CAPS2: variants seen among roughly 807,000 people sequenced by gnomAD.
The protein encoded by CAPS2 is calcyphosin-2.
A neutral mutation model predicts 86.5 loss-of-function variants in CAPS2; 98 were observed. The ratio of observed to expected loss-of-function variants is 1.13; its 90% confidence interval spans 0.96 to 1.34. CAPS2 has a LOEUF of 1.34. Among genes scored for constraint, CAPS2 ranks in the 40% most tolerant of loss-of-function variants. CAPS2 has a pLI of 0.00. For synonymous variants in CAPS2, 210 were observed against 225.1 expected, an observed-to-expected ratio of 0.93 and a Z score of 0.60; for missense variants, 729 against 686.8, an observed-to-expected ratio of 1.06 and a Z score of -0.69.
chr12:75,300,255 C>T (rs1049850745), intron 8 of CAPS2, among the ~76,000 whole-genome samples: 13 of 152,106 alleles, frequency 8.5e-5, no homozygotes, highest in African/African-American at 3.1e-4. Context: ...TTCCCTCACA[C>T]CATAGAATTT....
intron 1 of CAPS2, among the ~76,000 whole-genome samples, chr12:75,379,612 C>G (rs112723890): frequency 2.6e-5 from 4 of 152,228 alleles, no homozygotes; most frequent in African/African-American, 9.6e-5. Context: ...ATAGTTAACT[C>G]AAGATTTAAG....
intron 1 of CAPS2, among the ~76,000 whole-genome samples, chr12:75,361,779 C>A (rs536142115): frequency 1.3e-5 from 2 of 152,240 alleles, no homozygotes; most frequent in African/African-American, 4.8e-5. Flanking sequence ...GGAAACCACC[C>A]CCATAATCCA....
intron 1 of CAPS2, chr12:75,347,575 A>C: frequency 8.3e-7 from 1 of 1,210,768 alleles, no homozygotes. Flanking sequence ...CATTGTTTGC[A>C]TAGAATTGTT....
chr12:75,306,292 A>G, intron 7 of CAPS2: 1 of 598,224 alleles, frequency 1.7e-6, no homozygotes, highest in Non-Finnish European at 3.0e-6. Context: ...GAAGCTATGG[A>G]GGAGGCCAGA....
At chr12:75,360,858 C>T (rs1444538003) in intron 1 of CAPS2, 1 of 152,210 alleles carries the variant, frequency 6.6e-6, no homozygotes, top group East Asian at 1.9e-4. Flanking sequence ...GATATCCAGG[C>T]ATTTCCATAT....
At chr12:75,278,949 T>C (rs781401107) in exon 17 of CAPS2, 2 of 1,609,210 alleles carry the variant, frequency 1.2e-6, no homozygotes, top group African/African-American at 1.3e-5. Flanking sequence ...ACTATTCCTA[T>C]ACTTAAACCT....
At chr12:75,278,647 TA>T (rs2137952888) in exon 17 of CAPS2, 3 of 1,174,504 alleles carry the variant, frequency 2.6e-6, no homozygotes, top group South Asian at 8.5e-5. Flanking sequence ...TTTACAAATG[TA>T]AGGACATGTG....
chr12:75,291,018 G>A (rs536826549), intron 13 of CAPS2, among the ~76,000 whole-genome samples: 1 of 152,030 alleles, frequency 6.6e-6, no homozygotes, highest in South Asian at 2.1e-4. Flanking sequence ...AGATCCAACA[G>A]AGTAACTGTC....
At chr12:75,287,225 ATCTCTCTC>A (rs748050998) in intron 14 of CAPS2, among the ~76,000 whole-genome samples, 1 of 147,738 alleles carries the variant, frequency 6.8e-6, no homozygotes, top group Non-Finnish European at 1.5e-5. Context: ...AGAAAATGGA[ATCTCTCTC>A]TCTCTCTCTC....
intron 8 of CAPS2, among the ~76,000 whole-genome samples, chr12:75,303,150 T>C (rs2038021032): frequency 6.6e-6 from 1 of 152,198 alleles, no homozygotes; most frequent in Admixed American, 6.5e-5. Flanking sequence ...GCATGTGGTA[T>C]AATGAAATAC....
chr12:75,309,519 C>A (rs375528849), intron 7 of CAPS2, among the ~76,000 whole-genome samples: 30 of 152,142 alleles, frequency 2.0e-4, no homozygotes, highest in African/African-American at 7.2e-4. Flanking sequence ...CCTGACAATA[C>A]CCTAAGTCTG....
chr12:75,347,461 G>A (rs1288265030), intron 1 of CAPS2, among the ~76,000 whole-genome samples: 1 of 151,864 alleles, frequency 6.6e-6, no homozygotes, highest in East Asian at 1.9e-4. Context: ...GACAATATAA[G>A]AATTTTAATA....
intron 2 of CAPS2, among the ~76,000 whole-genome samples, chr12:75,324,323 G>A (rs1217367746): frequency 6.6e-6 from 1 of 152,178 alleles, no homozygotes; most frequent in African/African-American, 2.4e-5. Context: ...GAATCTACGA[G>A]AGAGAGACTA....
At chr12:75,354,101 C>T (rs1181866740) in intron 1 of CAPS2, among the ~76,000 whole-genome samples, 4 of 145,082 alleles carry the variant, frequency 2.8e-5, no homozygotes, top group African/African-American at 1.0e-4. Flanking sequence ...AATGTCCTCT[C>T]TCACCACTTC....
intron 5 of CAPS2, among the ~76,000 whole-genome samples, chr12:75,319,428 T>C (rs1040775767): frequency 1.3e-5 from 2 of 152,154 alleles, no homozygotes; most frequent in Non-Finnish European, 2.9e-5. Context: ...CCTATGTTGC[T>C]ATGTGATCTC....
chr12:75,293,514 AT>A (rs1481797880), intron 11 of CAPS2, 147 bp from the exon 12 acceptor site: 3 of 625,948 alleles, frequency 4.8e-6, no homozygotes, highest in Non-Finnish European at 8.3e-6. Context: ...GCTTATATGT[AT>A]TTGGAGAAAC....
At chr12:75,385,140 G>C (rs2045222396) in intron 1 of CAPS2, among the ~76,000 whole-genome samples, 1 of 152,212 alleles carries the variant, frequency 6.6e-6, no homozygotes, top group African/African-American at 2.4e-5. Context: ...TCAACAGCAA[G>C]AAGGTATTTC....
Position 75,298,799 on chromosome 12 carries a change from A to G in CAPS2, c.951-19T>C. The G allele has an allele frequency of 6.2e-7, 1 of 1,608,086 alleles. No individual in the cohort carries two copies. Among genetic ancestry groups the G allele is most frequent in the Non-Finnish European group, 8.5e-7 (1 of 1,174,762 alleles). On this transcript the variant is annotated intron_variant, in intron 10 of 16. Coordinates refer to ENST00000393284, the Ensembl canonical transcript of CAPS2. ...ATTTGTTCTAGAAAGTAAATGAAAA[A>G]AAAATGGAAAGTTATTTAGCTTCTC...
intron 11 of CAPS2, among the ~76,000 whole-genome samples, chr12:75,295,732 A>AAATAT (rs1441868130): frequency 6.6e-6 from 1 of 152,204 alleles, no homozygotes; most frequent in Non-Finnish European, 1.5e-5. Flanking sequence ...GAATAGATAA[A>AAATAT]AATATACACA....
Sources: allele counts gnomAD v4.1 joint callset (sites outside exome capture counted in the v4.1 genomes callset), GRCh38; gene constraint gnomAD v4.1.1; transcripts MANE v1.5; gene names NCBI Gene and HGNC (gene_info 2026-07-23, HGNC 2026-07-21).